Variants in GPR149 observed in about 807,000 individuals in gnomAD.
GPR149 encodes the protein probable G protein-coupled receptor 149.
Under a neutral mutation model 50.2 loss-of-function variants are expected in GPR149, and 50 were observed. The ratio of observed to expected loss-of-function variants is 1.00; its 90% CI spans 0.79 to 1.26. The LOEUF is 1.26. GPR149 is among the 50% of genes most tolerant of loss of function. The pLI, the probability that GPR149 is intolerant of heterozygous loss-of-function variation, is 0.00. For synonymous variants in GPR149, 405 were observed against 358.2 expected (o/e 1.13, Z -1.48); for missense variants, 983 against 895.4 (o/e 1.10, Z -1.25).
In GPR149 at chr3:154,428,869, A is replaced by G. The variant is rs762160195; in HGVS notation, c.747T>C (p.Val249=). The change falls in exon 1 of 4, where the codon GTT becomes GTC. Residue 249 remains valine, a synonymous_variant. Transcript: ENST00000389740. ...CTGGAGCATCCTCTGGGGACAGGGA[A>G]ACCACTCTCCCCGCAGTAGGAGGGG... is the stretch of plus-strand genomic sequence containing the variant. The part of the protein sequence containing the change: ...PGTPPTAGRV[V]SLSPEDAPGP... 32 of 1,613,700 alleles carry G rather than the reference A, an allele frequency of 2.0e-5. No homozygotes were observed. The highest frequency in any genetic ancestry group is 2.5e-5 in the Non-Finnish European group (29 of 1,179,912).
chr3:154,367,870 C>T (rs1714567517), intron 3 of GPR149, among the ~76,000 whole-genome samples: 1 of 152,182 alleles, frequency 6.6e-6, no homozygotes, highest in South Asian at 2.1e-4. Context: ...TACGATTAGA[C>T]CTCTTTCGCT....
At chr3:154,375,370 G>GCCTACC (rs2108403518) in intron 3 of GPR149, among the ~76,000 whole-genome samples, 2 of 152,008 alleles carry the variant, frequency 1.3e-5, no homozygotes, top group African/African-American at 4.8e-5. Flanking sequence ...CATCATCATA[G>GCCTACC]CCTATCACAG....
intron 3 of GPR149, among the ~76,000 whole-genome samples, chr3:154,411,878 C>T (rs182408502): frequency 5.5e-4 from 83 of 152,066 alleles, no homozygotes; most frequent in Admixed American, 4.5e-3. Flanking sequence ...ATACCAATAC[C>T]AGGGAAGGAC....
intron 3 of GPR149, among the ~76,000 whole-genome samples, chr3:154,370,115 CTTTT>C (rs1714630136): frequency 6.6e-6 from 1 of 152,326 alleles, no homozygotes; most frequent in East Asian, 1.9e-4. Flanking sequence ...AACCCCTCCG[CTTTT>C]CTAGAAAGGC....
intron 3 of GPR149, among the ~76,000 whole-genome samples, chr3:154,374,402 G>C (rs544863470): frequency 7.3e-5 from 11 of 151,680 alleles, no homozygotes; most frequent in African/African-American, 2.7e-4. Flanking sequence ...CGAACTCCTG[G>C]ACTCAAGTGA....
intron 3 of GPR149, among the ~76,000 whole-genome samples, chr3:154,402,204 G>A (rs1203954167): frequency 6.6e-6 from 1 of 152,088 alleles, no homozygotes; most frequent in Admixed American, 6.6e-5. Flanking sequence ...GGTTGTTGCT[G>A]ATGTCCTTAA....
intron 3 of GPR149, among the ~76,000 whole-genome samples, chr3:154,409,069 C>T (rs997069357): frequency 1.3e-5 from 2 of 152,208 alleles, no homozygotes; most frequent in African/African-American, 4.8e-5. Flanking sequence ...TGCAGACACT[C>T]CCCAGTACCA....
intron 3 of GPR149, among the ~76,000 whole-genome samples, chr3:154,363,522 T>A (rs968478417): frequency 6.6e-6 from 1 of 152,066 alleles, no homozygotes; most frequent in Non-Finnish European, 1.5e-5. Flanking sequence ...GGGTGCTCTC[T>A]TCAACCTTGA....
At chr3:154,359,818 T>C (rs1714338533) in intron 3 of GPR149, among the ~76,000 whole-genome samples, 1 of 152,076 alleles carries the variant, frequency 6.6e-6, no homozygotes, top group African/African-American at 2.4e-5. Flanking sequence ...TCCTAATCAA[T>C]GGAAGAGAAA....
At position 154,338,140 on chromosome 3, in the gene GPR149, G is replaced by A; in HGVS notation, c.1755C>T (p.Ala585=). 1.2e-6 allele frequency: 2 copies of A among 1,614,132 alleles called. No individual in the cohort carries two copies. The highest frequency in any genetic ancestry group is 1.7e-6 in the Non-Finnish European group (2 of 1,180,022). The change falls in exon 4 of 4, where the codon GCC becomes GCT. Residue 585 remains alanine (A), a synonymous_variant. Coordinates refer to ENST00000389740, the MANE Select transcript of GPR149 (RefSeq NM_001038705.3). ...VSAEGQKITP[A]SKKIEVYRSK... ...ATCGATAGACTTCTATTTTCTTAGA[G>A]GCTGGAGTTATTTTTTGCCCTTCTG...
At position 154,429,143 on chromosome 3, in the gene GPR149, C is replaced by CA; in HGVS notation, c.472dup (p.Trp158LeufsTer129). ...CGCCGAGAGCAGCAGACTGGCTGCC[C>CA]ACACGGTCAGCACCACGCCGAGCAC... On this transcript the variant is annotated frameshift_variant, in exon 1 of 4. Transcript: ENST00000389740. LOFTEE classifies it high-confidence loss of function. 1 of 1,613,654 alleles carries CA rather than the reference C, an allele frequency of 6.2e-7. No individual in the cohort carries two copies. Among genetic ancestry groups the CA allele is most frequent in the Non-Finnish European group, 8.5e-7 (1 of 1,179,890 alleles).
At chr3:154,341,238 T>A (rs555971291) in intron 3 of GPR149, among the ~76,000 whole-genome samples, 3 of 144,914 alleles carry the variant, frequency 2.1e-5, no homozygotes, top group African/African-American at 7.6e-5. Flanking sequence ...CATATTATTG[T>A]CTAACATTGT....
At chr3:154,395,206 C>A (rs754894466) in intron 3 of GPR149, among the ~76,000 whole-genome samples, 5 of 151,892 alleles carry the variant, frequency 3.3e-5, no homozygotes, top group Non-Finnish European at 5.9e-5. Flanking sequence ...AATAATACTT[C>A]TAAGAAGAAC....
intron 3 of GPR149, among the ~76,000 whole-genome samples, chr3:154,418,662 T>G (rs1203826635): frequency 9.2e-6 from 1 of 108,726 alleles, no homozygotes. Flanking sequence ...CTGGGGACTG[T>G]TGTGGGGTGG....
chr3:154,346,995 G>A (rs972673894), intron 3 of GPR149, among the ~76,000 whole-genome samples: 1 of 152,122 alleles, frequency 6.6e-6, no homozygotes, highest in South Asian at 2.1e-4. Context: ...TGCTGAATAA[G>A]AGCCTTGTAT....
At chr3:154,375,238 T>G (rs1024388050) in intron 3 of GPR149, among the ~76,000 whole-genome samples, 1 of 152,218 alleles carries the variant, frequency 6.6e-6, no homozygotes, top group African/African-American at 2.4e-5. Context: ...TGAGGACACT[T>G]TGTCTTCAAT....
chr3:154,338,630 G>A (rs531270716), intron 3 of GPR149, among the ~76,000 whole-genome samples: 1 of 152,160 alleles, frequency 6.6e-6, no homozygotes, highest in African/African-American at 2.4e-5. Context: ...TTATATTTTT[G>A]TTACATACTC....
At chr3:154,361,836 G>C (rs904338186) in intron 3 of GPR149, among the ~76,000 whole-genome samples, 2 of 152,092 alleles carry the variant, frequency 1.3e-5, no homozygotes, top group Non-Finnish European at 2.9e-5. Flanking sequence ...TTATTCTTTA[G>C]ACATGTTGTT....
At chr3:154,403,955 T>C (rs750725989) in intron 3 of GPR149, among the ~76,000 whole-genome samples, 1 of 152,194 alleles carries the variant, frequency 6.6e-6, no homozygotes, top group Non-Finnish European at 1.5e-5. Context: ...GAATGAAGTT[T>C]TAAATTTAAA....
Sources: allele counts gnomAD v4.1 joint callset (sites outside exome capture counted in the v4.1 genomes callset), GRCh38; gene constraint gnomAD v4.1.1; transcripts MANE v1.5; gene names NCBI Gene and HGNC (gene_info 2026-07-23, HGNC 2026-07-21).